PACS1: variants seen among roughly 807,000 people sequenced by gnomAD.
PACS1 encodes PACS-1.
PACS1 carries 24 observed loss-of-function variants against 115.0 expected under a neutral mutation model. The observed-to-expected ratio is 0.21, with a 90% confidence interval of 0.15 to 0.29. PACS1 has a LOEUF of 0.29. PACS1 is among the 10% of genes least tolerant of loss of function. The pLI is 1.00. For missense variants in PACS1, 838 were observed against 1,251.2 expected, an observed-to-expected ratio of 0.67 and a Z score of 4.98; for synonymous variants, 453 against 504.5, an observed-to-expected ratio of 0.90 and a Z score of 1.37.
intron 1 of PACS1, among the ~76,000 whole-genome samples, chr11:66,076,405 C>CTT (rs963192468): frequency 6.9e-6 from 1 of 145,338 alleles, no homozygotes; most frequent in Non-Finnish European, 1.5e-5. Flanking sequence ...TGGACTTGGA[C>CTT]TTTTTTTTTT....
intron 1 of PACS1, among the ~76,000 whole-genome samples, chr11:66,162,031 A>T (rs1314202951): frequency 1.3e-5 from 2 of 148,736 alleles, no homozygotes; most frequent in Non-Finnish European, 3.0e-5. Context: ...TTGGATCGAG[A>T]GTCTTTGAAG....
intron 1 of PACS1, among the ~76,000 whole-genome samples, chr11:66,132,378 A>T (rs1019301750): frequency 3.3e-5 from 5 of 152,132 alleles, no homozygotes; most frequent in Non-Finnish European, 7.4e-5. Context: ...CCTTTCCTTT[A>T]TAAATTACCC....
At chr11:66,075,738 CTTTTTTTTTTT>C (rs756089252) in intron 1 of PACS1, among the ~76,000 whole-genome samples, 2 of 134,128 alleles carry the variant, frequency 1.5e-5, no homozygotes, top group Admixed American at 1.5e-4. Context: ...ATTAAAAGTC[CTTTTTTTTTTT>C]TTTTTTTTGA....
intron 1 of PACS1, among the ~76,000 whole-genome samples, chr11:66,182,194 A>G (rs1331113847): frequency 6.6e-6 from 1 of 152,216 alleles, no homozygotes; most frequent in African/African-American, 2.4e-5. Context: ...AAAATGTCAT[A>G]CATTGTGTTG....
At position 66,243,558 on chromosome 11, in the gene PACS1, C is replaced by G. The variant is rs961751588; in HGVS notation, c.*278C>G. On this transcript the variant is annotated 3_prime_UTR_variant, in exon 24 of 24. Transcript: ENST00000320580. ...GTTTTGCCTTCTGGTGCCCATAGTC[C>G]CCTGGACTGAGTCCCCCAGGCCTTC... 6.7e-5 allele frequency: 29 copies of G among 434,392 alleles called. No individual in the cohort carries two copies. The highest frequency in any genetic ancestry group is 5.1e-4 in the African/African-American group (26 of 50,646). 26.9% of individuals were successfully genotyped at this position (434,392 alleles called of 1,614,324 possible). A position where few individuals can be genotyped will look rare whatever the true frequency, so the allele number is the denominator to read the frequency against.
Position 66,192,574 on chromosome 11 carries a change from C to T in PACS1, c.357-912C>T, listed in dbSNP as rs528546658. ...GAGCAGGGCCTAGAGGGCCTCAGCA[C>T]GGAGGAAAAAAGAGGTATGAAATCC... On this transcript the variant is annotated intron_variant, in intron 1 of 23. Coordinates refer to ENST00000320580, the MANE Select transcript of PACS1 (RefSeq NM_018026.4). Among the ~76,000 whole-genome samples, 18 of 152,194 alleles carry T rather than the reference C, an allele frequency of 1.2e-4. No individual in the cohort carries two copies. In the South Asian group the frequency reaches 1.5e-3, roughly 12 times the overall value.
chr11:66,171,484 T>TG (rs972766499), intron 1 of PACS1, among the ~76,000 whole-genome samples: 13 of 150,212 alleles, frequency 8.7e-5, no homozygotes, highest in African/African-American at 2.5e-4. Context: ...GTTCTTTTTT[T>TG]GGGGGGGCGG....
At chr11:66,215,949 A>ATAG (rs1491143364) in intron 4 of PACS1, among the ~76,000 whole-genome samples, 170 bp from the exon 5 acceptor site, 1 of 145,354 alleles carries the variant, frequency 6.9e-6, no homozygotes, top group African/African-American at 2.7e-5. Context: ...AATAATAATA[A>ATAG]TAAACAAAGT....
chr11:66,117,630 T>C (rs1308303809), intron 1 of PACS1, among the ~76,000 whole-genome samples: 1 of 152,094 alleles, frequency 6.6e-6, no homozygotes, highest in Non-Finnish European at 1.5e-5. Context: ...GCGGATCACC[T>C]GAGGTCGGGA....
intron 1 of PACS1, among the ~76,000 whole-genome samples, chr11:66,160,663 ATTT>A (rs58145434): frequency 3.4e-5 from 4 of 116,214 alleles, no homozygotes; most frequent in Admixed American, 1.8e-4. Context: ...TGCCTGGCTG[ATTT>A]TTTTTTTTTT....
rs570610657 is a variant in PACS1, at chr11:66,236,982, G to A, written c.2250+1042G>A. On this transcript the variant is annotated intron_variant, in intron 19 of 23. Coordinates refer to ENST00000320580, the MANE Select transcript of PACS1 (RefSeq NM_018026.4). This position sits in a 1 kb window ranked among gnomAD's most constrained non-coding sequence, Gnocchi z 4.2. ...TTGCCAGGCGGGAGTGCAGTGGCGCGATCTCGACTCACTGCAACCTCCGCC... is the reference window on the plus strand; with the variant it reads ...TTGCCAGGCGGGAGTGCAGTGGCGCAATCTCGACTCACTGCAACCTCCGCC... Among the ~76,000 whole-genome samples the A allele has an allele frequency of 6.6e-6, 1 of 151,656 alleles. No homozygotes were observed. The highest frequency in any genetic ancestry group is 1.9e-4 in the East Asian group (1 of 5,156).
intron 1 of PACS1, among the ~76,000 whole-genome samples, chr11:66,114,127 G>A (rs188521611): frequency 8.7e-4 from 131 of 151,388 alleles, no homozygotes; most frequent in Non-Finnish European, 1.5e-3. Flanking sequence ...ACATAAAAAC[G>A]TATCTTGGGG....
At position 66,214,528 on chromosome 11, in the gene PACS1, C is replaced by CTTCCT. The variant is rs967623131; in HGVS notation, c.661-1581_661-1577dup. ...CCTTTTTCTTCCTTTCTTTCCTTTC[C>CTTCCT]TTCCTTTCCTTTCCCTCCCTCCCTC... is the stretch of plus-strand genomic sequence containing the variant. On this transcript the variant is annotated intron_variant, in intron 4 of 23. Coordinates refer to ENST00000320580, the MANE Select transcript of PACS1 (RefSeq NM_018026.4). 6.0e-5 allele frequency among the ~76,000 whole-genome samples: 9 copies of CTTCCT among 150,536 alleles called. No individual in the cohort carries two copies. In the East Asian group the frequency reaches 1.7e-3, roughly 29 times the overall value.
intron 7 of PACS1, 97 bp from the exon 8 acceptor site, chr11:66,219,649 C>T: frequency 2.2e-6 from 2 of 926,956 alleles, no homozygotes; most frequent in Non-Finnish European, 3.6e-6. Flanking sequence ...TGTCTTCCCA[C>T]AGCTCGTCAT....
chr11:66,094,400 A>G (rs1326370898), intron 1 of PACS1, among the ~76,000 whole-genome samples: 13 of 151,284 alleles, frequency 8.6e-5, no homozygotes, highest in African/African-American at 2.7e-4. Flanking sequence ...AACTACCATC[A>G]GAGAATACTA....
chr11:66,223,964 G>A (rs1425418793), intron 10 of PACS1, among the ~76,000 whole-genome samples: 4 of 152,118 alleles, frequency 2.6e-5, no homozygotes, highest in Non-Finnish European at 5.9e-5. Context: ...TTGGGAGGCC[G>A]AGGTGGGTGG....
At chr11:66,158,291 T>G (rs1450852290) in intron 1 of PACS1, among the ~76,000 whole-genome samples, 3 of 152,210 alleles carry the variant, frequency 2.0e-5, no homozygotes. Flanking sequence ...AACAAATTCC[T>G]TAGAGATAAG....
chr11:66,140,300 A>C (rs1590772987), intron 1 of PACS1, among the ~76,000 whole-genome samples: 1 of 152,186 alleles, frequency 6.6e-6, no homozygotes, highest in Non-Finnish European at 1.5e-5. Context: ...ACTGAGCTCT[A>C]GTTCGGAACT....
intron 1 of PACS1, among the ~76,000 whole-genome samples, chr11:66,110,688 A>G (rs1858168137): frequency 2.6e-5 from 4 of 151,798 alleles, no homozygotes; most frequent in Admixed American, 2.0e-4. Context: ...TGATCCTCCC[A>G]CCTCCTGAGT....
Sources: gnomAD v4.1 joint callset for allele counts (sites outside exome capture counted in the v4.1 genomes callset) on GRCh38, gnomAD v4.1.1 for gene constraint, Gnocchi (gnomAD v3.1) non-coding constraint, MANE v1.5 for transcripts, NCBI Gene and HGNC (gene_info 2026-07-23, HGNC 2026-07-21) for gene names.